LRBA: variants seen among roughly 807,000 people sequenced by gnomAD.
The protein encoded by LRBA is LPS responsive beige-like anchor protein, also known as lipopolysaccharide-responsive and beige-like anchor protein.
In LRBA, 176 loss-of-function variants were observed where a neutral mutation model predicts 330.0. The ratio of observed to expected loss-of-function variants is 0.53; its 90% confidence interval spans 0.47 to 0.60. LRBA has a LOEUF of 0.60. Ranked by LOEUF, LRBA falls within the 20% of genes least tolerant of loss-of-function variation. The pLI, the probability that LRBA is intolerant of heterozygous loss-of-function variation, is 0.00. For missense variants in LRBA, 3,259 were observed against 3,444.8 expected (o/e 0.95, Z 1.35); for synonymous variants, 1,230 against 1,193.0 (o/e 1.03, Z -0.64).
At chr4:150,556,700 A>G (rs1456589442) in intron 40 of LRBA, among the ~76,000 whole-genome samples, 1 of 152,240 alleles carries the variant, frequency 6.6e-6, no homozygotes, top group Non-Finnish European at 1.5e-5. Context: ...GTGAAAATGC[A>G]GATTGACATA....
intron 37 of LRBA, among the ~76,000 whole-genome samples, chr4:150,663,199 G>A (rs1317266741): frequency 6.6e-6 from 1 of 152,116 alleles, no homozygotes; most frequent in African/African-American, 2.4e-5. Flanking sequence ...CGGTTAATGA[G>A]AATTCTGATT....
intron 34 of LRBA, among the ~76,000 whole-genome samples, chr4:150,795,772 T>C (rs1740693002): frequency 6.6e-6 from 1 of 151,962 alleles, no homozygotes; most frequent in Non-Finnish European, 1.5e-5. Flanking sequence ...TTTGGTTTTA[T>C]TGTCAGCTAA....
At chr4:150,640,306 A>AGG (rs1449604646) in intron 37 of LRBA, among the ~76,000 whole-genome samples, 21 of 152,198 alleles carry the variant, frequency 1.4e-4, no homozygotes, top group African/African-American at 4.3e-4. Context: ...AGGACAAATC[A>AGG]TACATCATAC....
chr4:151,002,464 C>T (rs1314984695), intron 2 of LRBA, among the ~76,000 whole-genome samples: 3 of 151,084 alleles, frequency 2.0e-5, no homozygotes, highest in South Asian at 4.2e-4. Flanking sequence ...ACTTGGGAGG[C>T]TGAGGCAGGA....
chr4:150,553,089 A>T (rs1227463568), intron 40 of LRBA, among the ~76,000 whole-genome samples: 1 of 151,688 alleles, frequency 6.6e-6, no homozygotes, highest in South Asian at 2.1e-4. Flanking sequence ...AGAAAAAAAG[A>T]AAAAAAAGAA....
rs763804667 is a variant in LRBA at position 150,841,097 on chromosome 4, C to T, written c.4569+3003G>A. On this transcript the variant is annotated intron_variant, in intron 28 of 56. Coordinates refer to ENST00000651943, the MANE Select transcript of LRBA (RefSeq NM_001364905.1). Reference sequence around the variant, plus strand: ...GTACATTTGTCTTTTTTATAAACCACCCCTTTTCTCTAGACATACCCATGT... The same window carrying T: ...GTACATTTGTCTTTTTTATAAACCATCCCTTTTCTCTAGACATACCCATGT... The T allele has an allele frequency of 2.7e-5, 13 of 484,726 alleles. 1 individual carries two copies. The highest frequency in any genetic ancestry group is 2.7e-4 in the South Asian group (12 of 44,784). The allele number at this position is 484,726 out of a possible 1,614,324, so 30.0% of individuals were successfully genotyped here. A position where few individuals can be genotyped will look rare whatever the true frequency, so the allele number is the denominator to read the frequency against.
chr4:150,349,883 G>A, intron 48 of LRBA, 109 bp downstream of exon 48: 1 of 938,924 alleles, frequency 1.1e-6, no homozygotes, highest in South Asian at 1.6e-5. Flanking sequence ...TTTACATCTA[G>A]TTTCACTTTC....
At chr4:151,000,561 A>G (rs970414143) in intron 2 of LRBA, among the ~76,000 whole-genome samples, 1 of 152,222 alleles carries the variant, frequency 6.6e-6, no homozygotes, top group Admixed American at 6.5e-5. Context: ...GTCACTTAGT[A>G]AAGTGACTAA....
intron 37 of LRBA, among the ~76,000 whole-genome samples, chr4:150,646,214 A>G (rs180888605): frequency 3.3e-5 from 5 of 152,000 alleles, no homozygotes; most frequent in Non-Finnish European, 7.4e-5. Flanking sequence ...ATTTCCTGAC[A>G]TATTGTGGGG....
chr4:150,311,794 G>C (rs1731104683), intron 51 of LRBA, among the ~76,000 whole-genome samples: 1 of 152,190 alleles, frequency 6.6e-6, no homozygotes, highest in South Asian at 2.1e-4. Context: ...TTCTAACAAA[G>C]GGAAGTTGCT....
At chr4:150,865,060 G>A (rs1239177758) in intron 22 of LRBA, among the ~76,000 whole-genome samples, 1 of 152,226 alleles carries the variant, frequency 6.6e-6, no homozygotes, top group East Asian at 1.9e-4. Flanking sequence ...TTAGAAACGT[G>A]AAAAATCTGC....
chr4:150,342,183 G>A (rs1735673309), intron 48 of LRBA, among the ~76,000 whole-genome samples: 1 of 151,866 alleles, frequency 6.6e-6, no homozygotes, highest in African/African-American at 2.4e-5. Flanking sequence ...CAAAAATGGG[G>A]TTAGAAAGGC....
chr4:150,912,874 A>G (rs1045078077), intron 9 of LRBA, among the ~76,000 whole-genome samples: 1 of 152,138 alleles, frequency 6.6e-6, no homozygotes, highest in Non-Finnish European at 1.5e-5. Context: ...GAGGTCACTG[A>G]ATCTCGTAAG....
At chr4:150,697,802 T>A (rs1349436435) in intron 36 of LRBA, among the ~76,000 whole-genome samples, 1 of 152,012 alleles carries the variant, frequency 6.6e-6, no homozygotes, top group African/African-American at 2.4e-5. Context: ...TCAAACTACC[T>A]GTAGGGAAGG....
intron 40 of LRBA, among the ~76,000 whole-genome samples, chr4:150,554,805 G>T (rs1024260983): frequency 3.3e-5 from 5 of 151,900 alleles, no homozygotes; most frequent in Non-Finnish European, 7.4e-5. Context: ...TTTAGTATAA[G>T]GTATTACTAA....
intron 37 of LRBA, among the ~76,000 whole-genome samples, chr4:150,662,334 GAGA>G (rs1781195067): frequency 6.6e-6 from 1 of 152,164 alleles, no homozygotes; most frequent in African/African-American, 2.4e-5. Flanking sequence ...ATGTCAGTAC[GAGA>G]AGGATATTAC....
intron 53 of LRBA, among the ~76,000 whole-genome samples, chr4:150,295,311 T>C (rs960353055): frequency 4.7e-5 from 7 of 148,960 alleles, no homozygotes; most frequent in Non-Finnish European, 1.0e-4. Context: ...AAGGTGGTCC[T>C]CCCACTTCAG....
chr4:150,371,160 A>G (rs1275074580), intron 47 of LRBA, among the ~76,000 whole-genome samples: 1 of 150,324 alleles, frequency 6.7e-6, no homozygotes, highest in Admixed American at 6.6e-5. Context: ...TAGGTTGAAA[A>G]GCATGAGCTG....
chr4:150,869,192 T>C (rs1265020005), intron 20 of LRBA, among the ~76,000 whole-genome samples: 2 of 151,738 alleles, frequency 1.3e-5, no homozygotes, highest in Admixed American at 1.3e-4. Flanking sequence ...GTGCTGGGAT[T>C]ACAGGCATGA....
Sources: gnomAD v4.1 joint callset for allele counts (sites outside exome capture counted in the v4.1 genomes callset) on GRCh38, gnomAD v4.1.1 for gene constraint, MANE v1.5 for transcripts, NCBI Gene and HGNC (gene_info 2026-07-23, HGNC 2026-07-21) for gene names.